The following UNC79 variants were observed in gnomAD, a reference collection of about 807,000 sequenced individuals.
The protein encoded by UNC79 is unc-79 subunit of NALCN channel complex.
Under a neutral mutation model 283.1 loss-of-function variants are expected in UNC79, and 37 were observed. That is an observed-to-expected ratio of 0.13 (90% confidence interval 0.10 to 0.17). UNC79 has a LOEUF of 0.17. Among genes scored for constraint, UNC79 ranks in the 10% least tolerant of loss-of-function variants. The pLI, the probability that UNC79 is intolerant of heterozygous loss-of-function variation, is 1.00. For synonymous variants in UNC79, 1,107 were observed against 1,200.2 expected, an observed-to-expected ratio of 0.92 and a Z score of 1.61; for missense variants, 2,272 against 3,211.1, an observed-to-expected ratio of 0.71 and a Z score of 7.07.
chr14:93,520,305 C>CT (rs1410772970), intron 7 of UNC79, among the ~76,000 whole-genome samples: 5 of 151,852 alleles, frequency 3.3e-5, no homozygotes, highest in African/African-American at 9.6e-5. Flanking sequence ...AGTAATGTGT[C>CT]TTTTTTTCCC....
exon 15 of UNC79, chr14:93,571,929 G>A (rs934353625): frequency 6.2e-7 from 1 of 1,614,058 alleles, no homozygotes; most frequent in Non-Finnish European, 8.5e-7. Flanking sequence ...GTAGCACAGT[G>A]ACTCAGCTGA....
intron 1 of UNC79, among the ~76,000 whole-genome samples, chr14:93,361,860 A>G (rs1301432727): frequency 4.6e-5 from 7 of 152,204 alleles, no homozygotes; most frequent in East Asian, 3.8e-4. Flanking sequence ...ATTTTGAGGT[A>G]TGTTCCTTCA....
intron 47 of UNC79, 74 bp from the exon 51 acceptor site, chr14:93,704,551 T>C: frequency 6.5e-7 from 1 of 1,540,114 alleles, no homozygotes. Flanking sequence ...TGGCCTGTTT[T>C]CCCTTGCAAT....
At chr14:93,604,384 A>G (rs1346449742) in intron 26 of UNC79, among the ~76,000 whole-genome samples, 2 of 152,174 alleles carry the variant, frequency 1.3e-5, no homozygotes, top group South Asian at 2.1e-4. Flanking sequence ...TCTCTATTTT[A>G]TGACAAGCTA....
At chr14:93,509,103 C>T (rs1007310520) in intron 7 of UNC79, among the ~76,000 whole-genome samples, 3 of 152,190 alleles carry the variant, frequency 2.0e-5, no homozygotes, top group African/African-American at 7.2e-5. Flanking sequence ...CACATCTTCA[C>T]ATGGCTGGTG....
intron 1 of UNC79, among the ~76,000 whole-genome samples, chr14:93,416,044 A>G (rs1309691176): frequency 6.7e-6 from 1 of 149,886 alleles, no homozygotes; most frequent in Non-Finnish European, 1.5e-5. Flanking sequence ...GATTTTAGTT[A>G]TTTCTTGCCT....
intron 4 of UNC79, 138 bp downstream of exon 4, chr14:93,477,866 G>A: frequency 1.8e-5 from 15 of 821,458 alleles, no homozygotes; most frequent in Non-Finnish European, 2.7e-5. Context: ...TTTCAATTCA[G>A]TCACTTTAGC....
chr14:93,546,182 T>G (rs2061594106), intron 14 of UNC79, among the ~76,000 whole-genome samples: 1 of 152,186 alleles, frequency 6.6e-6, no homozygotes, highest in Admixed American at 6.5e-5. Flanking sequence ...TGGCAACCAT[T>G]TATGTCTACA....
intron 1 of UNC79, among the ~76,000 whole-genome samples, chr14:93,343,511 A>G (rs78744066): frequency 0.072 from 10,906 of 152,204 alleles, 810 homozygotes; most frequent in African/African-American, 0.19. Flanking sequence ...ACAAAGAGAA[A>G]CACTTTGTTC....
At chr14:93,536,770 A>G (rs1032520212) in intron 11 of UNC79, among the ~76,000 whole-genome samples, 1 of 74,440 alleles carries the variant, frequency 1.3e-5, no homozygotes, top group African/African-American at 4.9e-5. Flanking sequence ...GGCACCCCCC[A>G]CCCACCCCCG....
intron 1 of UNC79, among the ~76,000 whole-genome samples, chr14:93,416,173 T>C (rs147304365): frequency 0.58 from 68,702 of 118,674 alleles, 16,510 homozygotes; most frequent in Middle Eastern, 0.74. Flanking sequence ...TATAAATTTC[T>C]CTCTACACAC....
At chr14:93,374,225 C>A (rs901993750) in intron 1 of UNC79, among the ~76,000 whole-genome samples, 7 of 152,180 alleles carry the variant, frequency 4.6e-5, no homozygotes, top group African/African-American at 1.7e-4. Flanking sequence ...TCACCGGCAA[C>A]ATGCAACATC....
intron 1 of UNC79, among the ~76,000 whole-genome samples, chr14:93,372,107 C>T (rs1251096201): frequency 6.6e-6 from 1 of 151,890 alleles, no homozygotes; most frequent in Admixed American, 6.6e-5. Flanking sequence ...AAACTTGGAT[C>T]AACATAAAGA....
intron 18 of UNC79, among the ~76,000 whole-genome samples, chr14:93,579,153 A>G (rs2141713588): frequency 6.6e-6 from 1 of 152,262 alleles, no homozygotes; most frequent in Non-Finnish European, 1.5e-5. Flanking sequence ...ATGTGATGTT[A>G]TGTCCTTTGT....
At chr14:93,451,044 A>G (rs1370642651) in intron 1 of UNC79, among the ~76,000 whole-genome samples, 2 of 151,162 alleles carry the variant, frequency 1.3e-5, no homozygotes, top group Non-Finnish European at 2.9e-5. Context: ...TCTTCACTGT[A>G]TCTTGTTTTT....
At chr14:93,556,442 C>G (rs1317383205) in intron 14 of UNC79, among the ~76,000 whole-genome samples, 1 of 152,122 alleles carries the variant, frequency 6.6e-6, no homozygotes, top group Non-Finnish European at 1.5e-5. Flanking sequence ...TCAAAAAGAT[C>G]AGGTAACATA....
At chr14:93,528,354 C>A (rs978035701) in intron 8 of UNC79, among the ~76,000 whole-genome samples, 1 of 152,048 alleles carries the variant, frequency 6.6e-6, no homozygotes, top group Non-Finnish European at 1.5e-5. Context: ...AATGAAAAAC[C>A]ACGGCAGCCA....
At chr14:93,593,360 TC>T (rs1432823013) in intron 22 of UNC79, among the ~76,000 whole-genome samples, 1 of 152,222 alleles carries the variant, frequency 6.6e-6, no homozygotes, top group East Asian at 1.9e-4. Flanking sequence ...CACGTATTAC[TC>T]CATCATCCTA....
rs574896586 is a variant in UNC79 at position 93,574,937 on chromosome 14, G to A, written c.2071-121G>A. 360 of 1,051,186 alleles carry A rather than the reference G, an allele frequency of 3.4e-4. 1 individual carries two copies. Among genetic ancestry groups the A allele is most frequent in the Non-Finnish European group, 3.7e-4 (274 of 740,604 alleles). The allele number at this position is 1,051,186 out of a possible 1,614,324, so 65.1% of individuals were successfully genotyped here. On this transcript the variant is annotated intron_variant, in intron 16 of 48. Coordinates refer to ENST00000555664, the Ensembl canonical transcript of UNC79. ...GAGGATGACTGTGTTGATAGAATAC[G>A]TGTAAGGCTAATTATCCTTATGTTC...
Sources: gnomAD v4.1 joint callset for allele counts (sites outside exome capture counted in the v4.1 genomes callset) on GRCh38, gnomAD v4.1.1 for gene constraint, MANE v1.5 for transcripts, NCBI Gene and HGNC (gene_info 2026-07-23, HGNC 2026-07-21) for gene names.